The following GTF3C3 variants were observed in gnomAD, a reference collection of about 807,000 sequenced individuals.
The protein encoded by GTF3C3 is general transcription factor 3C polypeptide 3.
Under a neutral mutation model 105.2 loss-of-function variants are expected in GTF3C3, and 75 were observed. That is an observed-to-expected ratio of 0.71 (90% CI 0.59 to 0.86). The LOEUF is 0.86. Ranked by LOEUF, GTF3C3 falls within the 40% of genes least tolerant of loss-of-function variation. The probability of loss-of-function intolerance (pLI) is 0.00; values close to 1 mark genes in which losing one functional copy is unlikely to be tolerated. For synonymous variants in GTF3C3, 335 were observed against 370.4 expected, an observed-to-expected ratio of 0.90 and a Z score of 1.10; for missense variants, 856 against 1,076.5, an observed-to-expected ratio of 0.80 and a Z score of 2.87.
At position 196,764,648 on chromosome 2, in the gene GTF3C3, A is replaced by G; in HGVS notation, c.2576T>C (p.Ile859Thr). The G allele has an allele frequency of 3.1e-6, 5 of 1,611,432 alleles. No homozygotes were observed. Among genetic ancestry groups the G allele is most frequent in the South Asian group, 1.1e-5 (1 of 90,998 alleles). The change falls in exon 18 of 18, where the codon ATT becomes ACT. Residue 859 changes from isoleucine (I) to threonine (T), a missense_variant. Transcript: ENST00000263956. ...ELDQLDLRRD[I>T]AYNLSLIYQS... ...ATAGATGAGAGACAAGTTGTAGGCA[A>G]TATCTCTTCGTAAGTCTAACTGGTC...
At chr2:196,772,789 T>C in intron 14 of GTF3C3, 127 bp downstream of exon 14, 1 of 593,096 alleles carries the variant, frequency 1.7e-6, no homozygotes, top group Non-Finnish European at 2.9e-6. Flanking sequence ...ATATACTGCC[T>C]CTGGGAATCA....
chr2:196,786,721 C>A lies in GTF3C3; in HGVS notation c.894-1133G>T, dbSNP rs982804115. ...ATTCTCCCACCCCTACAACCCATTC[C>A]TCTGCTCCCCTTGCAAATTCCCCCA... On this transcript the variant is annotated intron_variant, in intron 6 of 17. Coordinates refer to ENST00000263956, the MANE Select transcript of GTF3C3 (RefSeq NM_012086.5). This position sits in a 1 kb window ranked among gnomAD's most constrained non-coding sequence, Gnocchi z 4.2. Among the ~76,000 whole-genome samples the A allele has an allele frequency of 1.3e-5, 2 of 152,004 alleles. No homozygotes were observed. The highest frequency in any genetic ancestry group is 2.9e-5 in the Non-Finnish European group (2 of 68,000).
rs1380365802 is a variant in GTF3C3, at chr2:196,763,256, G to A, written c.*1307C>T. ...TCAGCTGGTTTTTTTTTCCCTTAGG[G>A]AGACTTATTTCCTCCACGGCTATTT... On this transcript the variant is annotated 3_prime_UTR_variant, in exon 18 of 18. Coordinates refer to ENST00000263956, the MANE Select transcript of GTF3C3 (RefSeq NM_012086.5). 2.0e-5 allele frequency: 3 copies of A among 152,010 alleles called. No homozygotes were observed. Among genetic ancestry groups the A allele is most frequent in the Non-Finnish European group, 4.4e-5 (3 of 68,000 alleles). The allele number at this position is 152,010 out of a possible 1,614,324, so 9.4% of individuals were successfully genotyped here.
In GTF3C3 at chr2:196,780,662, G is replaced by A; in HGVS notation, c.1115C>T (p.Ala372Val). Residue 372 changes from alanine (A) to valine (V), a missense_variant and splice_region_variant, in exon 9 of 18, where the codon GCT becomes GTT. Around this residue, in one of 3 missense-constraint regions of GTF3C3, gnomAD observed 605 missense variants for 833.6 expected, o/e 0.73. Coordinates refer to ENST00000263956, the MANE Select transcript of GTF3C3 (RefSeq NM_012086.5). ...TATAGTGCAGGTAACATTCTCAGGA[G>A]CTGGAGAATACACAGACAAGAAGCA... is the stretch of plus-strand genomic sequence containing the variant. ...SEEGTSEENKAPENVTCTIPD... is the reference protein window; with the variant it reads ...SEEGTSEENKVPENVTCTIPD... 6.2e-7 allele frequency: 1 copy of A among 1,608,732 alleles called. No homozygotes were observed. The highest frequency in any genetic ancestry group is 8.5e-7 in the Non-Finnish European group (1 of 1,176,074).
In GTF3C3 at chr2:196,776,189, T is replaced by C; in HGVS notation, c.1594-78A>G. ...TTGTTTTATTTGCATAGAAACATTTTTAAAAAAACAAACCATATTGCTTTA... is the reference window on the plus strand; with the variant it reads ...TTGTTTTATTTGCATAGAAACATTTCTAAAAAAACAAACCATATTGCTTTA... On this transcript the variant is annotated intron_variant, in intron 11 of 17. Coordinates refer to ENST00000263956, the MANE Select transcript of GTF3C3 (RefSeq NM_012086.5). This position sits in a 1 kb window ranked among gnomAD's most constrained non-coding sequence, Gnocchi z 4.5. The C allele has an allele frequency of 1.2e-6, 1 of 844,342 alleles. No individual in the cohort carries two copies. The highest frequency in any genetic ancestry group is 1.9e-6 in the Non-Finnish European group (1 of 532,796). 52.3% of individuals were successfully genotyped at this position (844,342 alleles called of 1,614,324 possible). A position where few individuals can be genotyped will look rare whatever the true frequency, so the allele number is the denominator to read the frequency against.
Position 196,785,504 on chromosome 2 carries a change from C to A in GTF3C3, c.978G>T (p.Met326Ile), listed in dbSNP as rs759264967. 8 of 1,608,522 alleles carry A rather than the reference C, an allele frequency of 5.0e-6. No homozygotes were observed. In the South Asian group the frequency reaches 8.8e-5, roughly 18 times the overall value. Residue 326 changes from methionine to isoleucine, a missense_variant, in exon 7 of 18, where the codon ATG becomes ATT. Met to Ile is a conservative substitution (Grantham distance 10). Around this residue, in one of 3 missense-constraint regions of GTF3C3, gnomAD observed 605 missense variants for 833.6 expected, o/e 0.73. Coordinates refer to ENST00000263956, the MANE Select transcript of GTF3C3 (RefSeq NM_012086.5). ...AFSKHQGLVS[M>I]EDVNIAAELY... is the part of the protein sequence containing the mutation. ...GTTCAGCTGCTATGTTAACATCTTC[C>A]ATGGAGACTAGGCCCTGGTGTTTTG...
At chr2:196,775,006 C>A in intron 13 of GTF3C3, 110 bp downstream of exon 13, 1 of 715,874 alleles carries the variant, frequency 1.4e-6, no homozygotes, top group South Asian at 2.7e-5. Flanking sequence ...TGGAAAATTT[C>A]ATTTTATTTG....
At position 196,790,000 on chromosome 2, in the gene GTF3C3, T is replaced by G. The variant is rs1699519069; in HGVS notation, c.606A>C (p.Ser202=). The G allele has an allele frequency of 1.2e-6, 2 of 1,613,746 alleles. No homozygotes were observed. The highest frequency in any genetic ancestry group is 2.2e-5 in the South Asian group (2 of 91,056). The change falls in exon 5 of 18, where the codon TCA becomes TCC. Residue 202 remains serine (S), a synonymous_variant. Coordinates refer to ENST00000263956, the MANE Select transcript of GTF3C3 (RefSeq NM_012086.5). Reference sequence around the variant, plus strand: ...GCGCAGCAATCAACTCAAACTGCAATGATTTTTCCATGTCACCTTGGTCCT... The same window carrying G: ...GCGCAGCAATCAACTCAAACTGCAAGGATTTTTCCATGTCACCTTGGTCCT... ...IYEDQGDMEK[S]LQFELIAAHL...
At chr2:196,770,302 A>T (rs1285887335) in intron 15 of GTF3C3, among the ~76,000 whole-genome samples, 1 of 152,246 alleles carries the variant, frequency 6.6e-6, no homozygotes, top group East Asian at 1.9e-4. Flanking sequence ...TTCCATGTAA[A>T]GTAATACTTC....
chr2:196,769,870 T>A (rs1699141526), intron 16 of GTF3C3, 45 bp downstream of exon 16: 3 of 1,529,274 alleles, frequency 2.0e-6, no homozygotes, highest in Admixed American at 3.5e-5. Context: ...TATATTCATT[T>A]TTAAGAAACA....
chr2:196,797,031 T>C (rs1269841662), intron 2 of GTF3C3, among the ~76,000 whole-genome samples: 1 of 152,178 alleles, frequency 6.6e-6, no homozygotes, highest in East Asian at 1.9e-4. Context: ...CTTACTTGTT[T>C]TGAGGGAAAA....
intron 3 of GTF3C3, chr2:196,791,918 C>T (rs1699556360): frequency 7.2e-6 from 1 of 138,886 alleles, no homozygotes; most frequent in Admixed American, 7.7e-5. Flanking sequence ...GCCTGGGTGA[C>T]AGATCAAGAC....
At chr2:196,781,196 T>C (rs1699343390) in intron 8 of GTF3C3, among the ~76,000 whole-genome samples, 1 of 149,944 alleles carries the variant, frequency 6.7e-6, no homozygotes, top group African/African-American at 2.5e-5. Flanking sequence ...ATCACAGATG[T>C]ATCCTAAGTG....
At chr2:196,765,739 A>G (rs920232876) in intron 17 of GTF3C3, among the ~76,000 whole-genome samples, 17 of 151,964 alleles carry the variant, frequency 1.1e-4, no homozygotes, top group Middle Eastern at 3.4e-3. Flanking sequence ...TGCCGGGCGC[A>G]GTGGCTCACG....
intron 9 of GTF3C3, 82 bp from the exon 10 acceptor site, chr2:196,779,149 A>C: frequency 9.2e-7 from 1 of 1,084,924 alleles, no homozygotes; most frequent in Non-Finnish European, 1.3e-6. Flanking sequence ...TTTTTTTGAG[A>C]TGAAGTCTCT....
At chr2:196,792,887 A>T (rs1224045615) in intron 3 of GTF3C3, 69 bp downstream of exon 3, 6 of 967,828 alleles carry the variant, frequency 6.2e-6, no homozygotes, top group Non-Finnish European at 9.8e-6. Context: ...CCCAGGTATA[A>T]CTTACAGACT....
chr2:196,776,797 T>A lies in GTF3C3; in HGVS notation c.1391-168A>T, dbSNP rs1398317017. On this transcript the variant is annotated intron_variant, in intron 10 of 17. Transcript: ENST00000263956. The surrounding 1 kb of genome is among the most constrained non-coding windows in gnomAD (Gnocchi z 4.5). ...TCCCTAATCTCTATTAATCAATCGA[T>A]CTAATAAATTTAAATTGCTAAGGAG... 6.6e-6 allele frequency among the ~76,000 whole-genome samples: 1 copy of A among 152,212 alleles called. No homozygotes were observed. Among genetic ancestry groups the A allele is most frequent in the Non-Finnish European group, 1.5e-5 (1 of 68,048 alleles).
chr2:196,798,120 TAC>T (rs1301197846), intron 1 of GTF3C3, among the ~76,000 whole-genome samples: 3 of 152,212 alleles, frequency 2.0e-5, no homozygotes, highest in Non-Finnish European at 4.4e-5. Context: ...TAAATTTGAA[TAC>T]TGTCAAAGCA....
intron 8 of GTF3C3, 94 bp from the exon 9 acceptor site, chr2:196,780,756 G>A: frequency 1.4e-6 from 2 of 1,445,808 alleles, no homozygotes; most frequent in Admixed American, 2.2e-5. Flanking sequence ...CAAAGCAAAT[G>A]ATTCCACAGT....
Sources: gnomAD v4.1 joint callset for allele counts (sites outside exome capture counted in the v4.1 genomes callset) on GRCh38, gnomAD v4.1.1 for gene constraint, gnomAD v4.1.1 regional missense constraint, Gnocchi (gnomAD v3.1) non-coding constraint, MANE v1.5 for transcripts, NCBI Gene and HGNC (gene_info 2026-07-23, HGNC 2026-07-21) for gene names.